ERN1: variants seen among roughly 807,000 people sequenced by gnomAD.
ERN1 encodes endoplasmic reticulum to nucleus signaling 1, also known as serine/threonine-protein kinase/endoribonuclease IRE1.
A neutral mutation model predicts 113.1 loss-of-function variants in ERN1; 39 were observed. The observed-to-expected ratio is 0.34, with a 90% CI of 0.27 to 0.45. The LOEUF is 0.45. Ranked by LOEUF, ERN1 falls within the 20% of genes least tolerant of loss-of-function variation. The probability of loss-of-function intolerance (pLI) is 1.00; values close to 1 mark genes in which losing one functional copy is unlikely to be tolerated. For synonymous variants in ERN1, 507 were observed against 515.9 expected (o/e 0.98, Z 0.23); for missense variants, 976 against 1,274.8 (o/e 0.77, Z 3.57).
chr17:64,115,802 G>A (rs1914789003), intron 1 of ERN1, among the ~76,000 whole-genome samples: 1 of 152,162 alleles, frequency 6.6e-6, no homozygotes, highest in African/African-American at 2.4e-5. Context: ...GATTTTTCCA[G>A]GCATGGGTTT....
At position 64,066,674 on chromosome 17, in the gene ERN1, A is replaced by T; in HGVS notation, c.839T>A (p.Leu280Gln). Residue 280 changes from leucine (L) to glutamine (Q), a missense_variant, in exon 8 of 22, where the codon CTG becomes CAG. Coordinates refer to ENST00000433197, the MANE Select transcript of ERN1 (RefSeq NM_001433.5). ...CTTCCCCGAGCTCCCAACTCACGTCAGCTTGCTCTTGGCCTCTGTCTCCTT... is the reference window on the plus strand; with the variant it reads ...CTTCCCCGAGCTCCCAACTCACGTCTGCTTGCTCTTGGCCTCTGTCTCCTT... Reference protein sequence around the residue: ...FPKETEAKSKLTPTLYVGKYS... With the variant: ...FPKETEAKSKQTPTLYVGKYS... The T allele has an allele frequency of 6.2e-7, 1 of 1,613,662 alleles. No homozygotes were observed. Among genetic ancestry groups the T allele is most frequent in the Non-Finnish European group, 8.5e-7 (1 of 1,179,668 alleles).
At chr17:64,101,519 TTTTTCACAAAGTAGAAG>T (rs1453170354) in intron 1 of ERN1, among the ~76,000 whole-genome samples, 45 of 152,146 alleles carry the variant, frequency 3.0e-4, no homozygotes, top group Admixed American at 2.7e-3. Context: ...GATTAGCAAA[TTTTTCACAAAGTAGAAG>T]TTTTCACAAA....
chr17:64,129,265 C>CA (rs1284236192), intron 1 of ERN1: 6 of 152,194 alleles, frequency 3.9e-5, no homozygotes, highest in Non-Finnish European at 7.3e-5. Flanking sequence ...CACGAGGAGA[C>CA]AGTCTTTCAT....
chr17:64,057,668 G>A (rs1912916407), intron 12 of ERN1, 134 bp downstream of exon 12: 2 of 901,322 alleles, frequency 2.2e-6, no homozygotes, highest in Non-Finnish European at 3.5e-6. Context: ...GTGCCCGCCC[G>A]GCCAACAAAC....
rs966852500 is a variant in ERN1, at chr17:64,042,760, T to G, written c.*1228A>C. 1.3e-5 allele frequency: 2 copies of G among 152,192 alleles called. No homozygotes were observed. The highest frequency in any genetic ancestry group is 2.4e-5 in the African/African-American group (1 of 41,422). The allele number at this position is 152,192 out of a possible 1,614,324, so 9.4% of individuals were successfully genotyped here. A position where few individuals can be genotyped will look rare whatever the true frequency, so the allele number is the denominator to read the frequency against. ...ACATTTACATAGTGTTGCTATAATG[T>G]TTTACTCTTCAGCATTAGAGAATGT... On this transcript the variant is annotated 3_prime_UTR_variant, in exon 22 of 22. Transcript: ENST00000433197.
chr17:64,099,936 C>T (rs978584120), intron 1 of ERN1, among the ~76,000 whole-genome samples: 5 of 152,042 alleles, frequency 3.3e-5, no homozygotes, highest in African/African-American at 9.7e-5. Context: ...TGCCACCTAC[C>T]GAGTCTACTC....
chr17:64,051,121 C>A (rs1473709753), intron 17 of ERN1, among the ~76,000 whole-genome samples: 1 of 145,636 alleles, frequency 6.9e-6, no homozygotes, highest in Non-Finnish European at 1.5e-5. Context: ...TGGATTATAA[C>A]ATTAGTTTCA....
Position 64,041,381 on chromosome 17 carries a change from C to G in ERN1, c.*2607G>C, listed in dbSNP as rs1334200380. The stretch of plus-strand genomic sequence containing the variant: ...TGGAGAAGTCCCATAACCTGAACTA[C>G]AGACCAAACAGCTAAGCCGCAACAC... On this transcript the variant is annotated 3_prime_UTR_variant, in exon 22 of 22. Transcript: ENST00000433197. 2 of 152,222 alleles carry G rather than the reference C, an allele frequency of 1.3e-5. No homozygotes were observed. Among genetic ancestry groups the G allele is most frequent in the Non-Finnish European group, 2.9e-5 (2 of 68,042 alleles). The allele number at this position is 152,222 out of a possible 1,614,324, so 9.4% of individuals were successfully genotyped here.
chr17:64,118,597 G>C (rs182001603), intron 1 of ERN1, among the ~76,000 whole-genome samples: 24 of 152,254 alleles, frequency 1.6e-4, no homozygotes, highest in Admixed American at 7.8e-4. Context: ...TTGTCAACTT[G>C]GTTCCAGCAG....
rs748178535 is a variant in ERN1, at chr17:64,044,003, A to G, written c.2919T>C (p.Thr973=). The change falls in exon 22 of 22, where the codon ACT becomes ACC. Residue 973 remains threonine (T), a synonymous_variant. Transcript: ENST00000433197. This position sits in a 1 kb window ranked among gnomAD's most constrained non-coding sequence, Gnocchi z 4.1. ...HEPPEPQPPV[T]PDAL ...CCGCCCTCGCTCAGAGGGCGTCTGGAGTCACTGGGGGCTGGGGCTCTGGGG... is the reference window on the plus strand; with the variant it reads ...CCGCCCTCGCTCAGAGGGCGTCTGGGGTCACTGGGGGCTGGGGCTCTGGGG... The G allele has an allele frequency of 7.5e-6, 12 of 1,610,700 alleles. No homozygotes were observed. The highest frequency in any genetic ancestry group is 1.0e-5 in the Non-Finnish European group (12 of 1,178,056).
chr17:64,119,901 C>T (rs1354802269), intron 1 of ERN1, among the ~76,000 whole-genome samples: 1 of 152,010 alleles, frequency 6.6e-6, no homozygotes, highest in Non-Finnish European at 1.5e-5. Flanking sequence ...ACATCAGAGT[C>T]ACTTGGGCCT....
In ERN1 at chr17:64,057,996, T is replaced by C. The variant is rs558659595; in HGVS notation, c.1207-3A>G. The C allele has an allele frequency of 5.2e-6, 8 of 1,541,644 alleles. No homozygotes were observed. In the African/African-American group the frequency reaches 1.1e-4, roughly 21 times the overall value. ...GTCTGGTCAACCAGGTTGATAACCT[T>C]GCATGGGAGAGAGTTGCGACATCAC... On this transcript the variant is annotated splice_polypyrimidine_tract_variant and splice_region_variant and intron_variant, in intron 11 of 21. Coordinates refer to ENST00000433197, the MANE Select transcript of ERN1 (RefSeq NM_001433.5).
At position 64,049,159 on chromosome 17, in the gene ERN1, T is replaced by C; in HGVS notation, c.2297A>G (p.Tyr766Cys). 6.2e-7 allele frequency: 1 copy of C among 1,607,652 alleles called. No homozygotes were observed. Among genetic ancestry groups the C allele is most frequent in the South Asian group, 1.1e-5 (1 of 90,710 alleles). Residue 766 changes from tyrosine (Y) to cysteine (C), a missense_variant, in exon 18 of 22, where the codon TAC becomes TGC. Transcript: ENST00000433197. The surrounding 1 kb of genome is among the most constrained non-coding windows in gnomAD (Gnocchi z 4.7). ...AGGGTGGCTGCCCTCAGAGATTACG[T>C]AGTAAAAGACGCAGCCTGCAGAAAA... ...DIFSAGCVFY[Y>C]VISEGSHPFG... is the part of the protein sequence containing the mutation.
Position 64,080,772 on chromosome 17 carries a change from T to C in ERN1, c.209+3A>G. 2.5e-6 allele frequency: 4 copies of C among 1,610,220 alleles called. No individual in the cohort carries two copies. The highest frequency in any genetic ancestry group is 2.5e-6 in the Non-Finnish European group (3 of 1,178,150). On this transcript the variant is annotated splice_donor_region_variant and intron_variant, in intron 3 of 21. Coordinates refer to ENST00000433197, the MANE Select transcript of ERN1 (RefSeq NM_001433.5). ...GAAGTACTGAGCGAATCAGAAAACT[T>C]ACTCTTCCACATGTGTTGGGACCTG...
At chr17:64,064,425 G>A (rs997731675) in intron 9 of ERN1, among the ~76,000 whole-genome samples, 3 of 151,152 alleles carry the variant, frequency 2.0e-5, no homozygotes, top group African/African-American at 7.3e-5. Flanking sequence ...AAGCTATTAT[G>A]AGAAGCAGAC....
intron 2 of ERN1, among the ~76,000 whole-genome samples, chr17:64,081,478 G>C (rs1037743713): frequency 1.3e-5 from 2 of 152,070 alleles, no homozygotes; most frequent in Non-Finnish European, 2.9e-5. Flanking sequence ...ATGTCCACTT[G>C]GCAAAAAATT....
At chr17:64,058,348 A>G (rs866437136) in intron 11 of ERN1, among the ~76,000 whole-genome samples, 1 of 152,222 alleles carries the variant, frequency 6.6e-6, no homozygotes. Flanking sequence ...CACTGAAGTC[A>G]TCTGTAACAA....
At chr17:64,109,687 C>G (rs1914622947) in intron 1 of ERN1, among the ~76,000 whole-genome samples, 1 of 152,222 alleles carries the variant, frequency 6.6e-6, no homozygotes, top group Non-Finnish European at 1.5e-5. Context: ...TTACCCAACC[C>G]TCTCATTTCA....
In ERN1 at chr17:64,064,119, C is replaced by A. The variant is rs1913142836; in HGVS notation, c.954G>T (p.Gly318=). ...PRGSTLPLLE[G]PQTDGVTIGD... is the part of the protein sequence containing the mutation. ...CAATGGTGACGCCATCAGTCTGGGG[C>A]CCTTCCAGCAAAGGAAGTGTGCTGC... Residue 318 remains glycine, a synonymous_variant, in exon 10 of 22, where the codon GGG becomes GGT. Coordinates refer to ENST00000433197, the MANE Select transcript of ERN1 (RefSeq NM_001433.5). The A allele has an allele frequency of 1.2e-6, 2 of 1,607,826 alleles. No homozygotes were observed. The highest frequency in any genetic ancestry group is 1.7e-6 in the Non-Finnish European group (2 of 1,176,990).
Sources: allele counts gnomAD v4.1 joint callset (sites outside exome capture counted in the v4.1 genomes callset), GRCh38; gene constraint gnomAD v4.1.1; non-coding constraint Gnocchi (gnomAD v3.1); transcripts MANE v1.5; gene names NCBI Gene and HGNC (gene_info 2026-07-23, HGNC 2026-07-21).